Variants in BORA observed in about 807,000 individuals in gnomAD.
BORA encodes the protein BORA aurora kinase A activator.
BORA carries 26 observed loss-of-function variants against 55.8 expected under a neutral mutation model. The observed-to-expected ratio is 0.47, with a 90% CI of 0.34 to 0.65. The LOEUF is 0.65. BORA is among the 30% of genes least tolerant of loss of function. The pLI is 0.01. For missense variants in BORA, 568 were observed against 671.5 expected (o/e 0.85, Z 1.70); for synonymous variants, 201 against 216.9 (o/e 0.93, Z 0.64).
chr13:72,734,971 A>T lies in BORA; in HGVS notation c.272A>T (p.Asp91Val). Reference sequence around the variant, plus strand: ...TTATCTTTGTATAGAATAGATAAAGATGTGGAAGACAAAAGACAAAAAGCC... The same window carrying T: ...TTATCTTTGTATAGAATAGATAAAGTTGTGGAAGACAAAAGACAAAAAGCC... Reference protein sequence around the residue: ...LYLSHSRIDKDVEDKRQKAIE... With the variant: ...LYLSHSRIDKVVEDKRQKAIE... The change falls in exon 4 of 12, where the codon GAT becomes GTT. Residue 91 changes from aspartate to valine, a missense_variant. By Grantham distance (152) the Asp-to-Val change is radical (BLOSUM62 -3). Coordinates refer to ENST00000390667, the MANE Select transcript of BORA (RefSeq NM_024808.5). 6.3e-7 allele frequency: 1 copy of T among 1,585,078 alleles called. No individual in the cohort carries two copies. Among genetic ancestry groups the T allele is most frequent in the Non-Finnish European group, 8.7e-7 (1 of 1,155,014 alleles).
Position 72,744,561 on chromosome 13 carries a change from G to C in BORA, c.511G>C (p.Gly171Arg), listed in dbSNP as rs757796983. Reference protein sequence around the residue: ...PVDFNLENILGDYFRADEFAD... With the variant: ...PVDFNLENILRDYFRADEFAD... ...GGATTTTAATTTAGAAAATATATTA[G>C]GTAAATACTGTATTTGTTTAAACTT... The change falls in exon 7 of 12, where the codon GGT becomes CGT. Residue 171 changes from glycine to arginine, a missense_variant and splice_region_variant. Coordinates refer to ENST00000390667, the MANE Select transcript of BORA (RefSeq NM_024808.5). The C allele has an allele frequency of 3.1e-6, 5 of 1,595,160 alleles. No individual in the cohort carries two copies. In the South Asian group the frequency reaches 5.6e-5, roughly 18 times the overall value.
At chr13:72,741,105 C>T (rs986100349) in intron 5 of BORA, among the ~76,000 whole-genome samples, 3 of 152,176 alleles carry the variant, frequency 2.0e-5, no homozygotes, top group Non-Finnish European at 2.9e-5. Flanking sequence ...TGCATATCCT[C>T]ATGTGTTTTT....
At chr13:72,729,190 A>G (rs1251939383) in intron 2 of BORA, 97 bp downstream of exon 2, 1 of 1,069,126 alleles carries the variant, frequency 9.4e-7, no homozygotes, top group Non-Finnish European at 1.3e-6. Context: ...GGTAAGGAGG[A>G]AATACATTAT....
intron 4 of BORA, among the ~76,000 whole-genome samples, chr13:72,736,471 C>T (rs890035972): frequency 3.8e-4 from 58 of 152,226 alleles, no homozygotes; most frequent in Admixed American, 8.5e-4. Context: ...TTATCATTCT[C>T]ATACTATTAT....
intron 3 of BORA, 90 bp from the exon 4 acceptor site, chr13:72,734,870 G>A (rs1217888177): frequency 1.8e-5 from 16 of 906,032 alleles, no homozygotes; most frequent in Non-Finnish European, 2.3e-5. Context: ...TTTCAATGAA[G>A]GGAGATTATT....
intron 4 of BORA, among the ~76,000 whole-genome samples, chr13:72,737,223 C>G (rs1024292113): frequency 7.2e-5 from 11 of 152,162 alleles, no homozygotes; most frequent in Non-Finnish European, 1.5e-5. Flanking sequence ...AACTTGCTCT[C>G]TGGTCGTGGA....
chr13:72,753,832 AAT>A lies in BORA; in HGVS notation c.1614+15_1614+16del. 1 of 1,604,466 alleles carries A rather than the reference AAT, an allele frequency of 6.2e-7. No individual in the cohort carries two copies. Among genetic ancestry groups the A allele is most frequent in the Non-Finnish European group, 8.5e-7 (1 of 1,172,134 alleles). ...GCATTTAATATGAAGGTACGGAGAA[AAT>A]ATAGTGAAAGCTTAATATTGTTTAG... On this transcript the variant is annotated intron_variant, in intron 11 of 11. Coordinates refer to ENST00000390667, the MANE Select transcript of BORA (RefSeq NM_024808.5).
In BORA at chr13:72,731,499, T is replaced by C. The variant is rs1447660624; in HGVS notation, c.260+112T>C. 8.0e-6 allele frequency: 6 copies of C among 749,882 alleles called. No individual in the cohort carries two copies. The East Asian group carries it at 8.2e-5, about 10-fold the overall frequency. 46.5% of individuals were successfully genotyped at this position (749,882 alleles called of 1,614,324 possible). Reference sequence around the variant, plus strand: ...GTAAAGGTATCAGGGAGAAAAAATTTTGATGCAGATTTTTTCTATCTAAAT... The same window carrying C: ...GTAAAGGTATCAGGGAGAAAAAATTCTGATGCAGATTTTTTCTATCTAAAT... On this transcript the variant is annotated intron_variant, in intron 3 of 11. Coordinates refer to ENST00000390667, the MANE Select transcript of BORA (RefSeq NM_024808.5).
At chr13:72,739,239 A>C (rs577549104) in intron 5 of BORA, among the ~76,000 whole-genome samples, 9 of 152,332 alleles carry the variant, frequency 5.9e-5, no homozygotes, top group Non-Finnish European at 8.8e-5. Context: ...CAGATGAATC[A>C]ACCTTCTTAA....
At chr13:72,740,001 A>G (rs1037328880) in intron 5 of BORA, among the ~76,000 whole-genome samples, 2 of 58,982 alleles carry the variant, frequency 3.4e-5, no homozygotes, top group Admixed American at 2.4e-4. Context: ...TGTGTAGTCC[A>G]TGTGCGGTAT....
chr13:72,731,801 C>T (rs1190362652), intron 3 of BORA, among the ~76,000 whole-genome samples: 1 of 152,150 alleles, frequency 6.6e-6, no homozygotes, highest in Admixed American at 6.5e-5. Context: ...AAACCTAAAA[C>T]CCCCTCAAAG....
chr13:72,746,720 A>G lies in BORA; in HGVS notation c.1091A>G (p.Asp364Gly). Residue 364 changes from aspartate to glycine, a missense_variant, in exon 10 of 12, where the codon GAT becomes GGT. Physicochemically the swap from Asp to Gly is moderately conservative, Grantham distance 94. Coordinates refer to ENST00000390667, the MANE Select transcript of BORA (RefSeq NM_024808.5). ...TLETQGEDEEDKENIPSTDVS... is the reference protein window; with the variant it reads ...TLETQGEDEEGKENIPSTDVS... ...GAGACTCAAGGTGAAGATGAGGAAGATAAAGAGAATATTCCTTCCACAGAT... is the reference window on the plus strand; with the variant it reads ...GAGACTCAAGGTGAAGATGAGGAAGGTAAAGAGAATATTCCTTCCACAGAT... The G allele has an allele frequency of 6.2e-7, 1 of 1,614,170 alleles. No individual in the cohort carries two copies. The highest frequency in any genetic ancestry group is 8.5e-7 in the Non-Finnish European group (1 of 1,180,008).
intron 10 of BORA, among the ~76,000 whole-genome samples, chr13:72,749,974 TA>T (rs1829055908): frequency 6.6e-6 from 1 of 152,178 alleles, no homozygotes; most frequent in South Asian, 2.1e-4. Flanking sequence ...CAGTGCTTAT[TA>T]AAAAGAACCC....
At position 72,727,944 on chromosome 13, in the gene BORA, G is replaced by A. The variant is rs774110931; in HGVS notation, c.-79G>A. 22 of 1,550,542 alleles carry A rather than the reference G, an allele frequency of 1.4e-5. No homozygotes were observed. Among genetic ancestry groups the A allele is most frequent in the Admixed American group, 2.0e-5 (1 of 50,990 alleles). On this transcript the variant is annotated 5_prime_UTR_variant, in exon 1 of 12. Coordinates refer to ENST00000390667, the MANE Select transcript of BORA (RefSeq NM_024808.5). ...AGTTAAAGAGTCTATGCCTGTCGTGGAAGCTGGCCTGGCCCCCGGAGCTCC... is the reference window on the plus strand; with the variant it reads ...AGTTAAAGAGTCTATGCCTGTCGTGAAAGCTGGCCTGGCCCCCGGAGCTCC...
In BORA at chr13:72,745,202, A is replaced by T; in HGVS notation, c.733A>T (p.Ser245Cys). The T allele has an allele frequency of 6.2e-7, 1 of 1,612,280 alleles. No homozygotes were observed. The highest frequency in any genetic ancestry group is 8.5e-7 in the Non-Finnish European group (1 of 1,178,492). ...GTGTAGGAGCCCCTTGCAGACACCA[A>T]GTTCGGTGAGAAGTATACTAAAAAG... ...VKCRSPLQTP[S>C]SGQFSSSPIQ... The change falls in exon 8 of 12, where the codon AGT (serine) becomes TGT (cysteine). Residue 245 changes from serine (S) to cysteine (C), a missense_variant. Coordinates refer to ENST00000390667, the MANE Select transcript of BORA (RefSeq NM_024808.5).
At chr13:72,737,897 A>G in intron 4 of BORA, 65 bp from the exon 5 acceptor site, 2 of 1,036,178 alleles carry the variant, frequency 1.9e-6, no homozygotes, top group Admixed American at 2.3e-5. Flanking sequence ...ACTTGGAAAA[A>G]CACAGGTACC....
At chr13:72,731,428 CAAGTG>C (rs2032814468) in intron 3 of BORA, 41 bp downstream of exon 3, 2 of 1,359,560 alleles carry the variant, frequency 1.5e-6, no homozygotes, top group East Asian at 4.6e-5. Context: ...ATAACACTCT[CAAGTG>C]AAGAGAGGTA....
chr13:72,755,946 T>C lies in BORA; in HGVS notation c.*730T>C. ...GGGTAGGGATGTGGGAGAATAAGAA[T>C]GTGGGAGAACCAAGAGAAAAAGTGG... On this transcript the variant is annotated 3_prime_UTR_variant, in exon 12 of 12. Transcript: ENST00000390667. The C allele has an allele frequency of 2.5e-6, 1 of 398,584 alleles. No homozygotes were observed. The highest frequency in any genetic ancestry group is 4.4e-6 in the Non-Finnish European group (1 of 226,076). 24.7% of individuals were successfully genotyped at this position (398,584 alleles called of 1,614,324 possible).
intron 10 of BORA, among the ~76,000 whole-genome samples, chr13:72,751,468 G>A (rs2033271793): frequency 6.6e-6 from 1 of 152,114 alleles, no homozygotes; most frequent in South Asian, 2.1e-4. Context: ...ATGAACTGGA[G>A]GACATTAAGT....
Sources: allele counts gnomAD v4.1 joint callset (sites outside exome capture counted in the v4.1 genomes callset), GRCh38; gene constraint gnomAD v4.1.1; transcripts MANE v1.5; gene names NCBI Gene and HGNC (gene_info 2026-07-23, HGNC 2026-07-21).